Variants in UBR3 observed in about 807,000 individuals in gnomAD.
UBR3 encodes the protein E3 ubiquitin-protein ligase UBR3.
A neutral mutation model predicts 243.2 loss-of-function variants in UBR3; 85 were observed. The observed-to-expected ratio is 0.35, with a 90% CI of 0.29 to 0.42. The LOEUF is 0.42. Among genes scored for constraint, UBR3 ranks in the 10% least tolerant of loss-of-function variants. The probability of loss-of-function intolerance (pLI) is 1.00; values close to 1 mark genes in which losing one functional copy is unlikely to be tolerated. For missense variants in UBR3, 1,686 were observed against 2,300.8 expected (o/e 0.73, Z 5.47); for synonymous variants, 748 against 799.8 (o/e 0.94, Z 1.09).
At chr2:170,004,844 G>T (rs982749429) in intron 27 of UBR3, among the ~76,000 whole-genome samples, 22 of 152,058 alleles carry the variant, frequency 1.4e-4, no homozygotes, top group African/African-American at 5.3e-4. Context: ...CCGGGAGGTG[G>T]AGGTTGCAGT....
chr2:169,954,868 CA>C (rs1370370891), intron 23 of UBR3, among the ~76,000 whole-genome samples: 1 of 152,096 alleles, frequency 6.6e-6, no homozygotes, highest in African/African-American at 2.4e-5. Flanking sequence ...GCACTGTGCC[CA>C]GCCAGTAATA....
At chr2:170,026,535 C>T (rs772045953) in intron 30 of UBR3, among the ~76,000 whole-genome samples, 4 of 152,058 alleles carry the variant, frequency 2.6e-5, no homozygotes, top group Admixed American at 6.6e-5. Flanking sequence ...TTTAAAGACA[C>T]ATGGCTAGTA....
At chr2:169,852,879 C>CCA (rs2082710568) in intron 1 of UBR3, among the ~76,000 whole-genome samples, 1 of 83,010 alleles carries the variant, frequency 1.2e-5, no homozygotes, top group Non-Finnish European at 2.3e-5. Flanking sequence ...AAAAAAAAAA[C>CCA]AAAACCAAAC....
chr2:169,928,605 C>A, intron 17 of UBR3, 122 bp from the exon 18 acceptor site: 1 of 683,360 alleles, frequency 1.5e-6, no homozygotes, highest in East Asian at 2.8e-5. Context: ...TTGTGGCCAG[C>A]TTTGTATATT....
chr2:169,953,039 ATC>A (rs2087109951), intron 23 of UBR3, among the ~76,000 whole-genome samples: 1 of 152,180 alleles, frequency 6.6e-6, no homozygotes, highest in Non-Finnish European at 1.5e-5. Flanking sequence ...GTGAATCAAA[ATC>A]TGTTTTTCTT....
chr2:169,949,428 G>C (rs1392524823), intron 22 of UBR3, 177 bp from the exon 23 acceptor site: 2 of 567,418 alleles, frequency 3.5e-6, no homozygotes, highest in Non-Finnish European at 5.9e-6. Context: ...GATTGAGTGG[G>C]ATTAAATATA....
intron 23 of UBR3, among the ~76,000 whole-genome samples, chr2:169,951,582 C>G (rs963335672): frequency 6.6e-6 from 1 of 151,994 alleles, no homozygotes; most frequent in Non-Finnish European, 1.5e-5. Context: ...GGACATAAGG[C>G]TAAGAAGGTA....
intron 24 of UBR3, among the ~76,000 whole-genome samples, chr2:169,982,978 C>A (rs1160694945): frequency 1.3e-5 from 2 of 152,124 alleles, no homozygotes; most frequent in Non-Finnish European, 2.9e-5. Flanking sequence ...TAACAGGGGG[C>A]TGCCATGAGC....
rs919675491 is a variant in UBR3 at position 169,838,383 on chromosome 2, G to A, written c.545+10331G>A. On this transcript the variant is annotated intron_variant, in intron 1 of 38. Transcript: ENST00000272793. ...GGAAGCTGGGAAGTCCAAGATTAAG[G>A]CATTTGTGTGTGTGTGTGTGTGTGT... Among the ~76,000 whole-genome samples, 3 of 139,406 alleles carry A rather than the reference G, an allele frequency of 2.2e-5. No individual in the cohort carries two copies. In the Admixed American group the frequency reaches 2.3e-4, roughly 10 times the overall value. 91.5% of individuals were successfully genotyped at this position (139,406 alleles called of 152,430 possible).
chr2:169,839,520 AGAATTT>A (rs144239877), intron 1 of UBR3, among the ~76,000 whole-genome samples: 23,353 of 148,212 alleles, frequency 0.16, 1,941 homozygotes, highest in Admixed American at 0.22. Flanking sequence ...CTAGAAGAGA[AGAATTT>A]GAATGGCTGT....
Position 169,942,535 on chromosome 2 carries a change from A to G in UBR3, c.2706A>G (p.Pro902=). The part of the protein sequence containing the change: ...SGKFPGNPWP[P]YKKRTSLHPS... ...AATTTCCTGGAAATCCCTGGCCTCC[A>G]TATAAGAAAAGGACATCACTCCATC... Residue 902 remains proline, a synonymous_variant, in exon 20 of 39, where the codon CCA becomes CCG. Transcript: ENST00000272793. 1 of 1,550,254 alleles carries G rather than the reference A, an allele frequency of 6.5e-7. No individual in the cohort carries two copies. The highest frequency in any genetic ancestry group is 8.7e-7 in the Non-Finnish European group (1 of 1,146,678).
intron 1 of UBR3, among the ~76,000 whole-genome samples, chr2:169,869,124 T>G (rs145527026): frequency 1.2e-4 from 19 of 152,090 alleles, no homozygotes; most frequent in African/African-American, 4.6e-4. Context: ...GATAAGAACA[T>G]TTCATAAATG....
chr2:169,838,387 TTG>T (rs544974959), intron 1 of UBR3, among the ~76,000 whole-genome samples: 4,216 of 113,994 alleles, frequency 0.037, 52 homozygotes, highest in East Asian at 0.056. Context: ...ATTAAGGCAT[TTG>T]TGTGTGTGTG....
At chr2:169,960,380 CT>C (rs2087515415) in intron 24 of UBR3, among the ~76,000 whole-genome samples, 1 of 151,254 alleles carries the variant, frequency 6.6e-6, no homozygotes. Flanking sequence ...ATTCTGAAAT[CT>C]GAAAAAAACT....
intron 30 of UBR3, among the ~76,000 whole-genome samples, chr2:170,019,172 AG>A (rs2090323558): frequency 1.0e-4 from 1 of 9,960 alleles, no homozygotes; most frequent in Non-Finnish European, 2.8e-4. Context: ...TTAGTCAAGA[AG>A]AGGATAAGGC....
At chr2:170,079,610 G>A (rs2091873857) in intron 36 of UBR3, among the ~76,000 whole-genome samples, 1 of 152,066 alleles carries the variant, frequency 6.6e-6, no homozygotes, top group Non-Finnish European at 1.5e-5. Context: ...ACTGTAATTG[G>A]AAACTATAAT....
At chr2:170,039,448 A>T (rs951146580) in intron 31 of UBR3, among the ~76,000 whole-genome samples, 1 of 152,000 alleles carries the variant, frequency 6.6e-6, no homozygotes, top group Non-Finnish European at 1.5e-5. Context: ...CCGTATCAGG[A>T]TTCATAGCAT....
At chr2:170,067,636 TGA>T (rs1392704504) in intron 35 of UBR3, among the ~76,000 whole-genome samples, 2 of 152,054 alleles carry the variant, frequency 1.3e-5, no homozygotes, top group Non-Finnish European at 2.9e-5. Flanking sequence ...TTCAAAGAAG[TGA>T]GTTATAAAGT....
intron 13 of UBR3, among the ~76,000 whole-genome samples, 174 bp from the exon 14 acceptor site, chr2:169,925,445 T>G (rs984609450): frequency 1.3e-5 from 2 of 152,178 alleles, no homozygotes; most frequent in Non-Finnish European, 2.9e-5. Context: ...AAAAACATAA[T>G]TATTGTTAAA....
Sources: allele counts gnomAD v4.1 joint callset (sites outside exome capture counted in the v4.1 genomes callset), GRCh38; gene constraint gnomAD v4.1.1; transcripts MANE v1.5; gene names NCBI Gene and HGNC (gene_info 2026-07-23, HGNC 2026-07-21).